The following FGFR1OP2 variants were observed in gnomAD, a reference collection of about 807,000 sequenced individuals.
FGFR1OP2 encodes fibroblast growth factor receptor 1 oncogene partner 2.
Under a neutral mutation model 35.2 loss-of-function variants are expected in FGFR1OP2, and 17 were observed. That is an observed-to-expected ratio of 0.48 (90% CI 0.33 to 0.73). FGFR1OP2 has a LOEUF of 0.73. Ranked by LOEUF, FGFR1OP2 falls within the 30% of genes least tolerant of loss-of-function variation. The pLI is 0.02. For synonymous variants in FGFR1OP2, 105 were observed against 104.6 expected, an observed-to-expected ratio of 1.00 and a Z score of -0.03; for missense variants, 251 against 307.3, an observed-to-expected ratio of 0.82 and a Z score of 1.37.
intron 1 of FGFR1OP2, among the ~76,000 whole-genome samples, chr12:26,949,584 T>C (rs1372087905): frequency 6.7e-6 from 1 of 150,326 alleles, no homozygotes; most frequent in South Asian, 2.1e-4. Context: ...CTGTTTGAGG[T>C]TTTTTTTGTT....
chr12:26,956,165 G>A (rs574802323), intron 2 of FGFR1OP2, among the ~76,000 whole-genome samples: 1 of 152,226 alleles, frequency 6.6e-6, no homozygotes, highest in South Asian at 2.1e-4. Flanking sequence ...CATCAACAAT[G>A]TATGGAAGGT....
chr12:26,938,638 GCATAGGT>G lies in FGFR1OP2; in HGVS notation c.-85_-79del, dbSNP rs1938623008. On this transcript the variant is annotated 5_prime_UTR_variant, in exon 1 of 7. Transcript: ENST00000229395. ...GGGCGCGGAGTCTCTTCCCTTGAGTGCATAGGTCCCGGTTGGTAGAGGGTTTGAGTCC... is the reference window on the plus strand; with the variant it reads ...GGGCGCGGAGTCTCTTCCCTTGAGTGCCCGGTTGGTAGAGGGTTTGAGTCC... 2 of 152,486 alleles carry G rather than the reference GCATAGGT, an allele frequency of 1.3e-5. No individual in the cohort carries two copies. Among genetic ancestry groups the G allele is most frequent in the African/African-American group, 4.8e-5 (2 of 41,462 alleles). The allele number at this position is 152,486 out of a possible 1,614,324, so 9.4% of individuals were successfully genotyped here. A position where few individuals can be genotyped will look rare whatever the true frequency, so the allele number is the denominator to read the frequency against.
intron 1 of FGFR1OP2, among the ~76,000 whole-genome samples, chr12:26,941,090 G>GA (rs1300141883): frequency 1.8e-5 from 2 of 110,944 alleles, no homozygotes; most frequent in African/African-American, 3.4e-5. Flanking sequence ...ATGCAGAAAA[G>GA]AAAAAAAAAT....
chr12:26,954,103 T>C, intron 1 of FGFR1OP2, 42 bp from the exon 2 acceptor site: 1 of 1,383,254 alleles, frequency 7.2e-7, no homozygotes, highest in Non-Finnish European at 9.8e-7. Flanking sequence ...TAAAGAGATA[T>C]GTTGACTTTA....
intron 1 of FGFR1OP2, among the ~76,000 whole-genome samples, chr12:26,944,577 G>GTA (rs1938792219): frequency 6.6e-6 from 1 of 152,120 alleles, no homozygotes; most frequent in South Asian, 2.1e-4. Flanking sequence ...ATTGGTCAGG[G>GTA]TATATTACTC....
At chr12:26,959,349 C>CT (rs1939070002) in intron 4 of FGFR1OP2, among the ~76,000 whole-genome samples, 1 of 151,932 alleles carries the variant, frequency 6.6e-6, no homozygotes, top group Non-Finnish European at 1.5e-5. Context: ...ACTATAGTAA[C>CT]TAAGACTTTT....
At chr12:26,953,247 G>A (rs1333824547) in intron 1 of FGFR1OP2, among the ~76,000 whole-genome samples, 3 of 130,956 alleles carry the variant, frequency 2.3e-5, no homozygotes, top group Non-Finnish European at 3.1e-5. Context: ...CAGCCTGGGC[G>A]ACAGAGCGAG....
chr12:26,950,213 G>GTTGTTTTT (rs1938898866), intron 1 of FGFR1OP2, among the ~76,000 whole-genome samples: 1 of 50,940 alleles, frequency 2.0e-5, no homozygotes, highest in African/African-American at 8.1e-5. Flanking sequence ...TGTATTCGTT[G>GTTGTTTTT]TTTTTTTTTT....
chr12:26,952,320 G>A (rs12303825), intron 1 of FGFR1OP2, among the ~76,000 whole-genome samples: 34 of 152,088 alleles, frequency 2.2e-4, no homozygotes, highest in Admixed American at 5.2e-4. Context: ...GCCTCTCTCA[G>A]AACGGCATCT....
At chr12:26,940,747 T>C (rs1592244857) in intron 1 of FGFR1OP2, among the ~76,000 whole-genome samples, 1 of 152,224 alleles carries the variant, frequency 6.6e-6, no homozygotes, top group East Asian at 1.9e-4. Context: ...GTCCAATCAG[T>C]AAACATTCAT....
chr12:26,946,803 G>A (rs990921582), intron 1 of FGFR1OP2, among the ~76,000 whole-genome samples: 12 of 152,126 alleles, frequency 7.9e-5, no homozygotes, highest in African/African-American at 2.9e-4. Context: ...GAAACCGTAT[G>A]TTCATTAACA....
rs534112435 is a variant in FGFR1OP2, at chr12:26,960,531, G to A, written c.413G>A (p.Arg138His). 23 of 1,612,384 alleles carry A rather than the reference G, an allele frequency of 1.4e-5. No homozygotes were observed. Among genetic ancestry groups the A allele is most frequent in the South Asian group, 5.5e-5 (5 of 91,008 alleles). ...EQHSKIDMVH[R>H]NKSEGFFLDA... The stretch of plus-strand genomic sequence containing the variant: ...ATACTACAGATTGACATGGTACATC[G>A]TAACAAGTCCGAAGGATTCTTCCTT... The change falls in exon 5 of 7, where the codon CGT becomes CAT. Residue 138 changes from arginine to histidine, a missense_variant. Transcript: ENST00000229395.
intron 1 of FGFR1OP2, among the ~76,000 whole-genome samples, chr12:26,948,277 TA>T (rs1938861206): frequency 6.6e-6 from 1 of 152,242 alleles, no homozygotes; most frequent in Admixed American, 6.5e-5. Context: ...CCTGATGTTC[TA>T]AGTTTCCTTC....
intron 1 of FGFR1OP2, among the ~76,000 whole-genome samples, chr12:26,947,401 C>A (rs1181836263): frequency 2.6e-5 from 4 of 152,022 alleles, no homozygotes; most frequent in Admixed American, 2.6e-4. Context: ...TACAGTATAT[C>A]CTCTTTTCCA....
intron 4 of FGFR1OP2, among the ~76,000 whole-genome samples, chr12:26,959,433 G>T (rs188007172): frequency 2.2e-4 from 34 of 152,168 alleles, no homozygotes; most frequent in African/African-American, 7.2e-4. Flanking sequence ...TAAAAGGTTT[G>T]TATGTTTTAT....
At chr12:26,951,914 TG>T (rs1280875357) in intron 1 of FGFR1OP2, among the ~76,000 whole-genome samples, 1 of 152,224 alleles carries the variant, frequency 6.6e-6, no homozygotes, top group African/African-American at 2.4e-5. Context: ...TTCTATTACT[TG>T]AGTTCTATTA....
intron 5 of FGFR1OP2, chr12:26,962,261 TTTG>T (rs1251157318): frequency 6.6e-6 from 1 of 152,210 alleles, no homozygotes; most frequent in Non-Finnish European, 1.5e-5. Flanking sequence ...GACCTACATT[TTTG>T]TTGGTTAAGA....
chr12:26,957,802 G>A (rs533415266), intron 4 of FGFR1OP2, 59 bp downstream of exon 4: 2 of 1,432,958 alleles, frequency 1.4e-6, no homozygotes, highest in African/African-American at 2.9e-5. Flanking sequence ...ATTATTCTGT[G>A]TTCAGATTTT....
In FGFR1OP2 at chr12:26,960,563, T is replaced by C. The variant is rs1415347494; in HGVS notation, c.445T>C (p.Ser149Pro). 6.2e-7 allele frequency: 1 copy of C among 1,613,614 alleles called. No homozygotes were observed. Among genetic ancestry groups the C allele is most frequent in the Admixed American group, 1.7e-5 (1 of 60,002 alleles). The change falls in exon 5 of 7, where the codon TCT becomes CCT. Residue 149 changes from serine to proline, a missense_variant. Coordinates refer to ENST00000229395, the MANE Select transcript of FGFR1OP2 (RefSeq NM_015633.3). ...NKSEGFFLDA[S>P]RHILEAPQHG... Reference sequence around the variant, plus strand: ...GTCCGAAGGATTCTTCCTTGATGCATCTCGACACATCCTTGAAGCACCTCA... The same window carrying C: ...GTCCGAAGGATTCTTCCTTGATGCACCTCGACACATCCTTGAAGCACCTCA...
Sources: allele counts gnomAD v4.1 joint callset (sites outside exome capture counted in the v4.1 genomes callset), GRCh38; gene constraint gnomAD v4.1.1; transcripts MANE v1.5; gene names NCBI Gene and HGNC (gene_info 2026-07-23, HGNC 2026-07-21).